UNC5D: variants seen among roughly 807,000 people sequenced by gnomAD.
UNC5D encodes the protein netrin receptor UNC5D.
Under a neutral mutation model 105.4 loss-of-function variants are expected in UNC5D, and 39 were observed. The ratio of observed to expected loss-of-function variants is 0.37; its 90% confidence interval spans 0.29 to 0.48. The LOEUF (loss-of-function observed/expected upper bound fraction) is 0.48, where lower values mean the gene tolerates loss of function less well. Among genes scored for constraint, UNC5D ranks in the 20% least tolerant of loss-of-function variants. UNC5D has a pLI of 0.98. For missense variants in UNC5D, 991 were observed against 1,202.4 expected, an observed-to-expected ratio of 0.82 and a Z score of 2.60; for synonymous variants, 452 against 450.4, an observed-to-expected ratio of 1.00 and a Z score of -0.04.
At chr8:35,715,315 AT>A (rs142373579) in intron 8 of UNC5D, among the ~76,000 whole-genome samples, 26 of 151,580 alleles carry the variant, frequency 1.7e-4, no homozygotes, top group Non-Finnish European at 7.4e-5. Flanking sequence ...ACAGTTACAT[AT>A]TTTTTTTTCT....
chr8:35,750,151 C>A (rs1358744242), intron 12 of UNC5D, among the ~76,000 whole-genome samples: 1 of 150,880 alleles, frequency 6.6e-6, no homozygotes, highest in African/African-American at 2.4e-5. Context: ...GTTTTTTTTT[C>A]TTTTGAAATG....
rs1803731428 is a variant in UNC5D, at chr8:35,390,932, T to C, written c.103+155045T>C. 2.6e-5 allele frequency among the ~76,000 whole-genome samples: 4 copies of C among 152,212 alleles called. No homozygotes were observed. In the South Asian group the frequency reaches 8.3e-4, roughly 32 times the overall value. ...CTAAATTCCACATGCAGAAAAGCAG[T>C]TGGTTTTTAGTGGGCAATGTCCAAG... On this transcript the variant is annotated intron_variant, in intron 1 of 16. Transcript: ENST00000404895.
intron 1 of UNC5D, among the ~76,000 whole-genome samples, chr8:35,310,192 T>C (rs1431997247): frequency 6.6e-6 from 1 of 152,212 alleles, no homozygotes; most frequent in Non-Finnish European, 1.5e-5. Flanking sequence ...TAGTATATAA[T>C]CCAGTGTGGA....
At chr8:35,455,962 C>G (rs1339234871) in intron 1 of UNC5D, among the ~76,000 whole-genome samples, 1 of 152,048 alleles carries the variant, frequency 6.6e-6, no homozygotes, top group Admixed American at 6.6e-5. Flanking sequence ...GGGACACAGC[C>G]AAACCATATC....
intron 1 of UNC5D, among the ~76,000 whole-genome samples, chr8:35,431,634 C>A (rs180727444): frequency 6.6e-6 from 1 of 151,992 alleles, no homozygotes; most frequent in East Asian, 1.9e-4. Flanking sequence ...GAAAATAACA[C>A]CTGAACACTT....
At chr8:35,551,548 G>T (rs974800661) in intron 2 of UNC5D, among the ~76,000 whole-genome samples, 1 of 152,108 alleles carries the variant, frequency 6.6e-6, no homozygotes, top group East Asian at 1.9e-4. Context: ...AGCCGGGTGC[G>T]GTGGCTCACG....
intron 4 of UNC5D, among the ~76,000 whole-genome samples, chr8:35,660,599 T>C (rs2131228699): frequency 6.6e-6 from 1 of 152,272 alleles, no homozygotes; most frequent in East Asian, 1.9e-4. Context: ...GGGAGTTAGC[T>C]TATGTTGTAA....
intron 8 of UNC5D, among the ~76,000 whole-genome samples, chr8:35,719,581 C>T (rs999072849): frequency 6.6e-6 from 1 of 152,172 alleles, no homozygotes; most frequent in African/African-American, 2.4e-5. Flanking sequence ...CAGATCTCAT[C>T]ACTACCTTGT....
In UNC5D at chr8:35,508,492, C is replaced by G. The variant is rs1475803308; in HGVS notation, c.104-40800C>G. ...AGACAAAGGCAGGGATCACTTGCAT[C>G]AAGCTACCGCCTTTGAATCTTTTCT... On this transcript the variant is annotated intron_variant, in intron 1 of 16. Transcript: ENST00000404895. Among the ~76,000 whole-genome samples, 4 of 152,212 alleles carry G rather than the reference C, an allele frequency of 2.6e-5. No homozygotes were observed. In the East Asian group the frequency reaches 7.7e-4, roughly 29 times the overall value.
chr8:35,726,798 G>C, intron 10 of UNC5D: 2 of 487,982 alleles, frequency 4.1e-6, no homozygotes, highest in Non-Finnish European at 7.2e-6. Flanking sequence ...GGTTTGGGTA[G>C]TCCCCAGGCT....
rs772365845 is a variant in UNC5D at position 35,766,932 on chromosome 8, A to G, written c.2344A>G (p.Asn782Asp). The G allele has an allele frequency of 6.2e-7, 1 of 1,613,854 alleles. No individual in the cohort carries two copies. Among genetic ancestry groups the G allele is most frequent in the Non-Finnish European group, 8.5e-7 (1 of 1,179,856 alleles). ...EVPFSRVWCS[N>D]RQPLHCAFSL... ...CCCGTTCTCCCGCGTGTGGTGCAGT[A>G]ACCGGCAGCCCCTGCACTGTGCCTT... Residue 782 changes from asparagine to aspartate, a missense_variant, in exon 15 of 17, where the codon AAC becomes GAC. Physicochemically the swap from Asn to Asp is conservative, Grantham distance 23. Transcript: ENST00000404895.
intron 1 of UNC5D, among the ~76,000 whole-genome samples, chr8:35,326,383 G>T (rs577850202): frequency 2.0e-5 from 3 of 152,140 alleles, no homozygotes; most frequent in Non-Finnish European, 4.4e-5. Flanking sequence ...ATTTTAGAAA[G>T]GAAGGAAGGG....
At chr8:35,386,927 T>C (rs1023492013) in intron 1 of UNC5D, among the ~76,000 whole-genome samples, 2 of 152,026 alleles carry the variant, frequency 1.3e-5, no homozygotes, top group African/African-American at 2.4e-5. Context: ...GAGGGGGAGT[T>C]AAAGATTGGA....
At chr8:35,429,301 G>A (rs1243179165) in intron 1 of UNC5D, among the ~76,000 whole-genome samples, 2 of 152,102 alleles carry the variant, frequency 1.3e-5, no homozygotes, top group African/African-American at 4.8e-5. Flanking sequence ...GCAATGAAAT[G>A]AGATTATGAA....
At position 35,442,904 on chromosome 8, in the gene UNC5D, T is replaced by TCTCACA. The variant is rs1246705327; in HGVS notation, c.104-106387_104-106386insTCACAC. 4.2e-3 allele frequency among the ~76,000 whole-genome samples: 590 copies of TCTCACA among 141,326 alleles called. 4 individuals are homozygous for TCTCACA. The highest frequency in any genetic ancestry group is 0.015 in the African/African-American group (568 of 36,902). The allele number at this position is 141,326 out of a possible 152,430, so 92.7% of individuals were successfully genotyped here. The stretch of plus-strand genomic sequence containing the variant: ...CTCTGTTTCTCTCTCTCTCTCTCTC[T>TCTCACA]CACACACACACACACACACACACAC... On this transcript the variant is annotated intron_variant, in intron 1 of 16. Transcript: ENST00000404895.
chr8:35,538,472 C>A, intron 1 of UNC5D, among the ~76,000 whole-genome samples: 1 of 130,406 alleles, frequency 7.7e-6, no homozygotes, highest in Non-Finnish European at 1.6e-5. Flanking sequence ...GGAATTTTAT[C>A]CAAAGGATTA....
rs189401791 is a variant in UNC5D, at chr8:35,339,709, C to T, written c.103+103822C>T. On this transcript the variant is annotated intron_variant, in intron 1 of 16. Coordinates refer to ENST00000404895, the MANE Select transcript of UNC5D (RefSeq NM_080872.4). Reference sequence around the variant, plus strand: ...AATCCAGGTTCCAATGCTCAGCTCTCAAAAGCAAGAACTCCAGAGACAGAG... The same window carrying T: ...AATCCAGGTTCCAATGCTCAGCTCTTAAAAGCAAGAACTCCAGAGACAGAG... Among the ~76,000 whole-genome samples the T allele has an allele frequency of 5.9e-5, 9 of 152,268 alleles. No homozygotes were observed. The East Asian group carries it at 1.7e-3, about 29-fold the overall frequency.
At chr8:35,589,914 TA>T (rs1310231431) in intron 3 of UNC5D, among the ~76,000 whole-genome samples, 2 of 152,224 alleles carry the variant, frequency 1.3e-5, no homozygotes, top group Non-Finnish European at 2.9e-5. Context: ...GCTCTTCATG[TA>T]TGCCCATTTT....
intron 3 of UNC5D, among the ~76,000 whole-genome samples, chr8:35,593,119 G>A (rs1039536561): frequency 6.7e-6 from 1 of 148,958 alleles, no homozygotes; most frequent in African/African-American, 2.5e-5. Flanking sequence ...TGTATAAATA[G>A]ATATGTATGT....
Sources: gnomAD v4.1 joint callset for allele counts (sites outside exome capture counted in the v4.1 genomes callset) on GRCh38, gnomAD v4.1.1 for gene constraint, MANE v1.5 for transcripts, NCBI Gene and HGNC (gene_info 2026-07-23, HGNC 2026-07-21) for gene names.